PLIN2: variants seen among roughly 807,000 people sequenced by gnomAD.
The protein encoded by PLIN2 is perilipin 2, also known as perilipin-2.
PLIN2 carries 33 observed loss-of-function variants against 30.6 expected under a neutral mutation model. That is an observed-to-expected ratio of 1.08 (90% confidence interval 0.82 to 1.44). PLIN2 has a LOEUF of 1.44. Among genes scored for constraint, PLIN2 ranks in the 40% most tolerant of loss-of-function variants. The probability of loss-of-function intolerance (pLI) is 0.00; values close to 1 mark genes in which losing one functional copy is unlikely to be tolerated. For synonymous variants in PLIN2, 205 were observed against 201.1 expected (o/e 1.02, Z -0.16); for missense variants, 610 against 531.8 (o/e 1.15, Z -1.45).
chr9:19,124,705 T>C (rs1818369369), intron 3 of PLIN2, among the ~76,000 whole-genome samples: 1 of 152,138 alleles, frequency 6.6e-6, no homozygotes, highest in Non-Finnish European at 1.5e-5. Context: ...AGTTATTATA[T>C]AACCCAGCAA....
intron 4 of PLIN2, among the ~76,000 whole-genome samples, chr9:19,122,304 C>T (rs1275614675): frequency 6.6e-6 from 1 of 152,036 alleles, no homozygotes; most frequent in Admixed American, 6.6e-5. Flanking sequence ...TTTTGGTCAG[C>T]GATGGACCAC....
chr9:19,115,049 A>G (rs1348571846), downstream of PLIN2, among the ~76,000 whole-genome samples: 3 of 152,274 alleles, frequency 2.0e-5, no homozygotes, highest in Non-Finnish European at 4.4e-5. Context: ...GAAATGCCCA[A>G]TGCCTTTACA....
chr9:19,114,565 G>A (rs575212870), downstream of PLIN2, among the ~76,000 whole-genome samples: 1 of 152,166 alleles, frequency 6.6e-6, no homozygotes, highest in East Asian at 1.9e-4. Context: ...CACCAGGCCA[G>A]GCTAATTTTT....
downstream of PLIN2, among the ~76,000 whole-genome samples, chr9:19,112,084 A>T (rs1248215999): frequency 6.6e-6 from 1 of 152,116 alleles, no homozygotes; most frequent in Non-Finnish European, 1.5e-5. Context: ...CTCAACACTC[A>T]CTTCCATCTG....
intron 4 of PLIN2, among the ~76,000 whole-genome samples, chr9:19,122,990 T>C (rs182462149): frequency 2.0e-5 from 3 of 152,292 alleles, no homozygotes; most frequent in Non-Finnish European, 2.9e-5. Flanking sequence ...TTTCTCAAAA[T>C]ATATTCCCAT....
chr9:19,120,854 G>C (rs1415993638), intron 5 of PLIN2, 26 bp downstream of exon 5: 1 of 1,556,200 alleles, frequency 6.4e-7, no homozygotes, highest in Admixed American at 1.7e-5. Flanking sequence ...ATATAAAACA[G>C]TATTTCAAGA....
downstream of PLIN2, among the ~76,000 whole-genome samples, chr9:19,115,408 C>T (rs192820461): frequency 0.013 from 1,966 of 151,646 alleles, 21 homozygotes; most frequent in Non-Finnish European, 0.018. Flanking sequence ...CCCGGGTTCA[C>T]GCCATTCTCC....
At chr9:19,126,568 C>T in intron 1 of PLIN2, 120 bp from the exon 2 acceptor site, 2 of 656,158 alleles carry the variant, frequency 3.0e-6, no homozygotes, top group Non-Finnish European at 5.4e-6. Context: ...CTGTAGTCTT[C>T]TGCACTTCTT....
intron 6 of PLIN2, among the ~76,000 whole-genome samples, chr9:19,118,674 C>T (rs1359722610): frequency 6.6e-6 from 1 of 152,160 alleles, no homozygotes; most frequent in Non-Finnish European, 1.5e-5. Flanking sequence ...AAATCACTGA[C>T]TCCACATTTA....
chr9:19,121,048 C>T lies in PLIN2; in HGVS notation c.427G>A (p.Gly143Arg), dbSNP rs1468882882. 8.7e-6 allele frequency: 14 copies of T among 1,614,198 alleles called. No homozygotes were observed. Among genetic ancestry groups the T allele is most frequent in the Non-Finnish European group, 1.2e-5 (14 of 1,180,026 alleles). The stretch of plus-strand genomic sequence containing the variant: ...TTCTCCACACTGCCAGTCACTGCCC[C>T]TTTGGTCTTGTCCATCACCCCTGTG... ...TITGVMDKTKGAVTGSVEKTK... is the reference protein window; with the variant it reads ...TITGVMDKTKRAVTGSVEKTK... Residue 143 changes from glycine to arginine, a missense_variant, in exon 5 of 8, where the codon GGG becomes AGG. By Grantham distance (125) the Gly-to-Arg change is moderately radical. Transcript: ENST00000276914.
rs1818352316 is a variant in PLIN2, at chr9:19,123,591, G to C, written c.283C>G (p.Pro95Ala). The change falls in exon 4 of 8, where the codon CCT (proline) becomes GCT (alanine). Residue 95 changes from proline (P) to alanine (A), a missense_variant. Coordinates refer to ENST00000276914, the MANE Select transcript of PLIN2 (RefSeq NM_001122.4). The part of the protein sequence containing the change: ...KGLDRIEERL[P>A]ILNQPSTQIV... ...TGAGTTGATGGCTGATTCAGAATAG[G>C]CAGTCTCTCCTCAATCCTGTCTAGC... The C allele has an allele frequency of 6.2e-7, 1 of 1,614,058 alleles. No homozygotes were observed. The highest frequency in any genetic ancestry group is 1.3e-5 in the African/African-American group (1 of 74,934).
intron 7 of PLIN2, among the ~76,000 whole-genome samples, chr9:19,117,064 A>G (rs761415442): frequency 4.6e-5 from 7 of 152,206 alleles, no homozygotes; most frequent in Non-Finnish European, 1.0e-4. Context: ...TTTGGGACAC[A>G]AAGAACCACT....
chr9:19,116,593 G>A lies in PLIN2; in HGVS notation c.969C>T (p.Thr323=). ...IARNLTQQLQ[T]TCHTLLSNIQ... is the part of the protein sequence containing the mutation. The stretch of plus-strand genomic sequence containing the variant: ...TGTTGGACAGGAGGGTGTGGCACGT[G>A]GTCTGGAGCTGCTGAGTCAGGTTGC... The change falls in exon 8 of 8, where the codon ACC becomes ACT. Residue 323 remains threonine, a synonymous_variant. Transcript: ENST00000276914. The A allele has an allele frequency of 6.2e-7, 1 of 1,614,064 alleles. No individual in the cohort carries two copies. The highest frequency in any genetic ancestry group is 8.5e-7 in the Non-Finnish European group (1 of 1,179,986).
chr9:19,112,542 T>C (rs573589031), downstream of PLIN2, among the ~76,000 whole-genome samples: 1 of 151,306 alleles, frequency 6.6e-6, no homozygotes, highest in Non-Finnish European at 1.5e-5. Flanking sequence ...AACCCCATCT[T>C]TACAAAAATA....
intron 3 of PLIN2, among the ~76,000 whole-genome samples, chr9:19,123,946 G>T (rs779855484): frequency 6.0e-5 from 9 of 149,344 alleles, no homozygotes; most frequent in Non-Finnish European, 1.2e-4. Flanking sequence ...TTGAACTCAG[G>T]AAGCAGGGGT....
rs1383585232 is a variant in PLIN2 at position 19,120,941 on chromosome 9, A to G, written c.534T>C (p.Asn178=). 19 of 1,613,874 alleles carry G rather than the reference A, an allele frequency of 1.2e-5. No homozygotes were observed. In the South Asian group the frequency reaches 1.8e-4, roughly 15 times the overall value. The change falls in exon 5 of 8, where the codon AAT becomes AAC. Residue 178 remains asparagine, a synonymous_variant. Transcript: ENST00000276914. ...CCAACAGCTCTGATTTGGTGAGTGC[A>G]TTTTCTACGCCACTGCTCACGAGCT... ...MMQLVSSGVE[N]ALTKSELLVE... is the part of the protein sequence containing the mutation.
chr9:19,124,250 C>T (rs1377121329), intron 3 of PLIN2, among the ~76,000 whole-genome samples: 2 of 152,044 alleles, frequency 1.3e-5, no homozygotes. Context: ...CAAGAGTAGC[C>T]GGGCTTTCCC....
chr9:19,123,559 G>A lies in PLIN2; in HGVS notation c.309+6C>T. On this transcript the variant is annotated splice_donor_region_variant and intron_variant, in intron 4 of 7. Coordinates refer to ENST00000276914, the MANE Select transcript of PLIN2 (RefSeq NM_001122.4). ...TCAAGTCTCAGCACTTTTGTCCCAAGCTCACCTGAGTTGATGGCTGATTCA... is the reference window on the plus strand; with the variant it reads ...TCAAGTCTCAGCACTTTTGTCCCAAACTCACCTGAGTTGATGGCTGATTCA... 6.2e-7 allele frequency: 1 copy of A among 1,614,198 alleles called. No individual in the cohort carries two copies. Among genetic ancestry groups the A allele is most frequent in the Non-Finnish European group, 8.5e-7 (1 of 1,180,034 alleles).
At chr9:19,111,551 C>T (rs1386193799), downstream of PLIN2, among the ~76,000 whole-genome samples, 2 of 152,042 alleles carry the variant, frequency 1.3e-5, no homozygotes, top group East Asian at 3.9e-4. Flanking sequence ...AAAATACGAC[C>T]TGGGACTAGC....
Sources: allele counts gnomAD v4.1 joint callset (sites outside exome capture counted in the v4.1 genomes callset), GRCh38; gene constraint gnomAD v4.1.1; transcripts MANE v1.5; gene names NCBI Gene and HGNC (gene_info 2026-07-23, HGNC 2026-07-21).